PRKCA: variants seen among roughly 807,000 people sequenced by gnomAD.
PRKCA encodes protein kinase C alpha.
PRKCA carries 27 observed loss-of-function variants against 87.0 expected under a neutral mutation model. That is an observed-to-expected ratio of 0.31 (90% CI 0.23 to 0.43). PRKCA has a LOEUF of 0.43. Among genes scored for constraint, PRKCA ranks in the 20% least tolerant of loss-of-function variants. The pLI, the probability that PRKCA is intolerant of heterozygous loss-of-function variation, is 1.00. For missense variants in PRKCA, 518 were observed against 852.3 expected (o/e 0.61, Z 4.88); for synonymous variants, 329 against 311.1 (o/e 1.06, Z -0.61).
chr17:66,611,009 T>TCC (rs57953564), intron 3 of PRKCA, among the ~76,000 whole-genome samples: 47,455 of 151,866 alleles, frequency 0.31, 7,467 homozygotes, highest in East Asian at 0.44. Context: ...AATTTTATCA[T>TCC]CCCTGACAAG....
At chr17:66,570,405 C>T (rs1393898308) in intron 3 of PRKCA, among the ~76,000 whole-genome samples, 1 of 152,114 alleles carries the variant, frequency 6.6e-6, no homozygotes, top group Non-Finnish European at 1.5e-5. Context: ...TTAGAAATGC[C>T]TTCAGTATGT....
intron 2 of PRKCA, among the ~76,000 whole-genome samples, chr17:66,390,299 T>C (rs1414887192): frequency 6.6e-6 from 1 of 152,190 alleles, no homozygotes; most frequent in Non-Finnish European, 1.5e-5. Context: ...CTGCGATGCT[T>C]ATAATCATGA....
At chr17:66,665,293 A>G (rs762792575) in intron 5 of PRKCA, among the ~76,000 whole-genome samples, 7 of 152,200 alleles carry the variant, frequency 4.6e-5, no homozygotes, top group Non-Finnish European at 7.3e-5. Context: ...GCCAGGTGAC[A>G]AGGTGGAGCT....
At chr17:66,691,980 C>G (rs906809471) in intron 8 of PRKCA, among the ~76,000 whole-genome samples, 3 of 152,180 alleles carry the variant, frequency 2.0e-5, no homozygotes, top group Admixed American at 6.5e-5. Context: ...AACAAACAAA[C>G]AAAATACAGG....
At chr17:66,442,548 A>T (rs1386564226) in intron 2 of PRKCA, among the ~76,000 whole-genome samples, 1 of 152,152 alleles carries the variant, frequency 6.6e-6, no homozygotes, top group Admixed American at 6.5e-5. Context: ...CAGGATCCTT[A>T]AACTGGCCTA....
intron 13 of PRKCA, among the ~76,000 whole-genome samples, chr17:66,766,402 C>T (rs1441568024): frequency 1.3e-5 from 2 of 151,936 alleles, no homozygotes; most frequent in East Asian, 3.8e-4. Flanking sequence ...GTTTCCATCA[C>T]CCAAGCAGAG....
At chr17:66,503,919 A>AT (rs975338721) in intron 3 of PRKCA, among the ~76,000 whole-genome samples, 126 of 152,318 alleles carry the variant, frequency 8.3e-4, no homozygotes, top group African/African-American at 2.8e-3. Context: ...CCCCCAAAAC[A>AT]TTTTTATATT....
At chr17:66,384,659 C>T (rs542915717) in intron 2 of PRKCA, among the ~76,000 whole-genome samples, 14 of 151,794 alleles carry the variant, frequency 9.2e-5, no homozygotes, top group East Asian at 3.9e-4. Context: ...GACGGAGTCT[C>T]GCTCTGTCGC....
intron 14 of PRKCA, chr17:66,777,647 A>G: frequency 1.0e-6 from 1 of 985,330 alleles, no homozygotes; most frequent in Non-Finnish European, 1.2e-6. Context: ...AGTCACAAAA[A>G]GCCAAGTCCC....
rs1218728314 is a variant in PRKCA, at chr17:66,455,241, T to A, written c.206-40960T>A. Among the ~76,000 whole-genome samples the A allele has an allele frequency of 4.6e-5, 7 of 152,206 alleles. No homozygotes were observed. The South Asian group carries it at 1.5e-3, about 32-fold the overall frequency. On this transcript the variant is annotated intron_variant, in intron 2 of 16. Coordinates refer to ENST00000413366, the MANE Select transcript of PRKCA (RefSeq NM_002737.3). Reference sequence around the variant, plus strand: ...GCAATACATGACCGAATTTGGAGCCTAGTTCTTTTTGGCAAGAAAAGTTCA... The same window carrying A: ...GCAATACATGACCGAATTTGGAGCCAAGTTCTTTTTGGCAAGAAAAGTTCA...
At chr17:66,462,494 A>G (rs930002154) in intron 2 of PRKCA, among the ~76,000 whole-genome samples, 1 of 152,200 alleles carries the variant, frequency 6.6e-6, no homozygotes, top group Non-Finnish European at 1.5e-5. Flanking sequence ...AAAGCAAGGT[A>G]CTTATTTATT....
intron 3 of PRKCA, among the ~76,000 whole-genome samples, chr17:66,585,403 C>T (rs1419211588): frequency 6.6e-6 from 1 of 152,246 alleles, no homozygotes; most frequent in Admixed American, 6.5e-5. Context: ...TTACAGGCTG[C>T]TCTGCTAGAA....
At chr17:66,502,987 TAAG>T (rs1916812133) in intron 3 of PRKCA, among the ~76,000 whole-genome samples, 1 of 152,166 alleles carries the variant, frequency 6.6e-6, no homozygotes, top group Non-Finnish European at 1.5e-5. Context: ...TCAAAAGTTG[TAAG>T]AAGAGAAGCT....
At chr17:66,314,960 T>C (rs1905241120) in intron 2 of PRKCA, among the ~76,000 whole-genome samples, 1 of 151,836 alleles carries the variant, frequency 6.6e-6, no homozygotes, top group Non-Finnish European at 1.5e-5. Context: ...TATGTATATA[T>C]GTGTGTATAT....
chr17:66,407,387 C>G (rs955043432), intron 2 of PRKCA, among the ~76,000 whole-genome samples: 3 of 152,044 alleles, frequency 2.0e-5, no homozygotes, highest in Admixed American at 6.6e-5. Context: ...GACACTTGTG[C>G]CTGCAAGAAA....
At chr17:66,552,947 CAGCT>C (rs1968384829) in intron 3 of PRKCA, among the ~76,000 whole-genome samples, 1 of 152,028 alleles carries the variant, frequency 6.6e-6, no homozygotes, top group Non-Finnish European at 1.5e-5. Flanking sequence ...TAAATCTAGA[CAGCT>C]AGAAGAACTA....
chr17:66,783,200 CAT>C (rs1975283891), intron 14 of PRKCA, among the ~76,000 whole-genome samples: 3 of 152,202 alleles, frequency 2.0e-5, no homozygotes, highest in Non-Finnish European at 4.4e-5. Context: ...ACAGCTTGGG[CAT>C]CTTATTCCAC....
intron 2 of PRKCA, among the ~76,000 whole-genome samples, chr17:66,483,823 G>A (rs190675284): frequency 2.0e-5 from 3 of 152,162 alleles, no homozygotes; most frequent in Admixed American, 2.0e-4. Context: ...TTATGCCAGT[G>A]TGACCCCATC....
intron 3 of PRKCA, among the ~76,000 whole-genome samples, chr17:66,602,968 C>G (rs1379116971): frequency 1.3e-5 from 2 of 152,218 alleles, no homozygotes; most frequent in African/African-American, 4.8e-5. Context: ...TGCTGAGTCT[C>G]TCTTTCCCTT....
Sources: gnomAD v4.1 joint callset for allele counts (sites outside exome capture counted in the v4.1 genomes callset) on GRCh38, gnomAD v4.1.1 for gene constraint, MANE v1.5 for transcripts, NCBI Gene and HGNC (gene_info 2026-07-23, HGNC 2026-07-21) for gene names.